The following GRM8 variants were observed in gnomAD, a reference collection of about 807,000 sequenced individuals.
GRM8 encodes glutamate metabotropic receptor 8.
In GRM8, 47 loss-of-function variants were observed where a neutral mutation model predicts 87.2. The observed-to-expected ratio is 0.54, with a 90% confidence interval of 0.43 to 0.69. The LOEUF (loss-of-function observed/expected upper bound fraction) is 0.69, where lower values mean the gene tolerates loss of function less well. Ranked by LOEUF, GRM8 falls within the 30% of genes least tolerant of loss-of-function variation. The pLI is 0.00. For missense variants in GRM8, 1,019 were observed against 1,139.2 expected (o/e 0.89, Z 1.52); for synonymous variants, 396 against 404.5 (o/e 0.98, Z 0.25).
At chr7:126,535,707 G>A (rs756065062) in intron 8 of GRM8, among the ~76,000 whole-genome samples, 4 of 152,168 alleles carry the variant, frequency 2.6e-5, no homozygotes, top group Non-Finnish European at 5.9e-5. Context: ...AGCTGCTTCT[G>A]TCCTGTCCCT....
chr7:126,827,049 G>T (rs1192941726), intron 6 of GRM8, among the ~76,000 whole-genome samples: 1 of 152,030 alleles, frequency 6.6e-6, no homozygotes, highest in Non-Finnish European at 1.5e-5. Context: ...TATTTCTGAG[G>T]GCTCTGTTCT....
chr7:126,457,424 G>GA, intron 9 of GRM8, among the ~76,000 whole-genome samples: 1 of 151,320 alleles, frequency 6.6e-6, no homozygotes, highest in African/African-American at 2.4e-5. Context: ...AAATTGTACA[G>GA]AAAAAAATTA....
chr7:126,570,624 T>G (rs1794615448), intron 8 of GRM8, among the ~76,000 whole-genome samples: 1 of 152,160 alleles, frequency 6.6e-6, no homozygotes, highest in Non-Finnish European at 1.5e-5. Flanking sequence ...GAAAAACATC[T>G]TCCTTTACCT....
intron 3 of GRM8, among the ~76,000 whole-genome samples, chr7:127,103,401 G>C (rs537583727): frequency 1.3e-5 from 2 of 152,250 alleles, no homozygotes; most frequent in East Asian, 3.9e-4. Flanking sequence ...TCATTTAAAA[G>C]TGTGTTGCAC....
chr7:126,671,269 C>A (rs1806356249), intron 7 of GRM8, among the ~76,000 whole-genome samples: 1 of 152,176 alleles, frequency 6.6e-6, no homozygotes, highest in Admixed American at 6.5e-5. Context: ...GGGTATTTGA[C>A]AATACAAACC....
At position 126,770,064 on chromosome 7, in the gene GRM8, C is replaced by T. The variant is rs779771872; in HGVS notation, c.1158G>A (p.Gly386=). 15 of 1,607,042 alleles carry T rather than the reference C, an allele frequency of 9.3e-6. No individual in the cohort carries two copies. Among genetic ancestry groups the T allele is most frequent in the Non-Finnish European group, 1.2e-5 (14 of 1,175,388 alleles). Residue 386 remains glycine (G), a splice_region_variant and synonymous_variant, in exon 7 of 11, where the codon GGG becomes GGA. Coordinates refer to ENST00000339582, the MANE Select transcript of GRM8 (RefSeq NM_000845.3). ...KRNSHIKKCT[G]LERIARDSSY... is the part of the protein sequence containing the mutation. ...ATGAATCCCGAGCAATTCGCTCCAG[C>T]CCTGCAAAATAAAAAAGTAAAAACC... is the stretch of plus-strand genomic sequence containing the variant.
At chr7:126,866,933 A>G (rs1798650498) in intron 6 of GRM8, among the ~76,000 whole-genome samples, 1 of 152,014 alleles carries the variant, frequency 6.6e-6, no homozygotes, top group Non-Finnish European at 1.5e-5. Context: ...GTAATTTTTA[A>G]AGTGGTTATC....
intron 6 of GRM8, among the ~76,000 whole-genome samples, chr7:126,900,712 G>A (rs1801994725): frequency 6.6e-6 from 1 of 152,060 alleles, no homozygotes; most frequent in Non-Finnish European, 1.5e-5. Flanking sequence ...TTTTCACCAT[G>A]TTGCCCAGGC....
intron 8 of GRM8, among the ~76,000 whole-genome samples, chr7:126,585,310 T>G (rs1468156): frequency 0.31 from 46,960 of 152,018 alleles, 8,130 homozygotes; most frequent in East Asian, 0.44. Flanking sequence ...CCCATCTGAG[T>G]ATTAGTGAGA....
At chr7:127,005,267 T>C (rs1016121256) in intron 3 of GRM8, among the ~76,000 whole-genome samples, 8 of 151,560 alleles carry the variant, frequency 5.3e-5, no homozygotes, top group African/African-American at 1.9e-4. Context: ...AACAACTTGA[T>C]GTGCCTGTTG....
chr7:126,768,291 T>C (rs1818426526), intron 7 of GRM8, among the ~76,000 whole-genome samples: 1 of 131,458 alleles, frequency 7.6e-6, no homozygotes, highest in Non-Finnish European at 1.5e-5. Flanking sequence ...TGTTCCCCAG[T>C]AAAGTATCGT....
intron 7 of GRM8, among the ~76,000 whole-genome samples, chr7:126,666,231 T>C (rs555379126): frequency 1.5e-4 from 23 of 152,196 alleles, no homozygotes; most frequent in Non-Finnish European, 2.8e-4. Context: ...CTTGGTACTG[T>C]CCTTTTCAAT....
At chr7:126,865,295 G>A (rs1798490807) in intron 6 of GRM8, among the ~76,000 whole-genome samples, 1 of 152,104 alleles carries the variant, frequency 6.6e-6, no homozygotes, top group Non-Finnish European at 1.5e-5. Flanking sequence ...ATTTTGGCAT[G>A]GAACAAAGAA....
chr7:126,456,259 G>C (rs1803211056), intron 9 of GRM8, among the ~76,000 whole-genome samples: 1 of 151,374 alleles, frequency 6.6e-6, no homozygotes, highest in Admixed American at 6.6e-5. Context: ...AAAGCACATT[G>C]ACATATGTCC....
rs184105297 is a variant in GRM8, at chr7:127,147,854, A to C, written c.511-41142T>G. The stretch of plus-strand genomic sequence containing the variant: ...ATGCCTCAAATGCAGCTTTAAAATG[A>C]GTTAAATAAATAAAAATTAGTATAG... On this transcript the variant is annotated intron_variant, in intron 2 of 10. Transcript: ENST00000339582. Among the ~76,000 whole-genome samples the C allele has an allele frequency of 3.3e-5, 5 of 152,208 alleles. No individual in the cohort carries two copies. In the East Asian group the frequency reaches 9.7e-4, roughly 29 times the overall value.
At chr7:126,662,325 G>A (rs1805267849) in intron 7 of GRM8, among the ~76,000 whole-genome samples, 2 of 152,122 alleles carry the variant, frequency 1.3e-5, no homozygotes, top group South Asian at 4.1e-4. Context: ...AAGTGTCTAT[G>A]ACATCTTAAG....
At chr7:126,564,507 G>GA (rs1256316494) in intron 8 of GRM8, among the ~76,000 whole-genome samples, 2 of 152,054 alleles carry the variant, frequency 1.3e-5, no homozygotes, top group African/African-American at 2.4e-5. Context: ...AAAAACACTA[G>GA]AAAAAACTTA....
intron 9 of GRM8, among the ~76,000 whole-genome samples, chr7:126,483,403 A>G (rs1056532653): frequency 6.6e-6 from 1 of 150,602 alleles, no homozygotes; most frequent in African/African-American, 2.4e-5. Context: ...TTTATGTATA[A>G]CTAAAATAAA....
At chr7:126,872,586 C>A (rs1230145356) in intron 6 of GRM8, among the ~76,000 whole-genome samples, 2 of 152,128 alleles carry the variant, frequency 1.3e-5, no homozygotes, top group Non-Finnish European at 2.9e-5. Context: ...TAACACTCAC[C>A]TTCTTTTGAG....
Sources: gnomAD v4.1 joint callset for allele counts (sites outside exome capture counted in the v4.1 genomes callset) on GRCh38, gnomAD v4.1.1 for gene constraint, MANE v1.5 for transcripts, NCBI Gene and HGNC (gene_info 2026-07-23, HGNC 2026-07-21) for gene names.